Variants in DYNC1H1 observed in about 807,000 individuals in gnomAD.
DYNC1H1 encodes the protein cytoplasmic dynein 1 heavy chain 1.
A neutral mutation model predicts 527.1 loss-of-function variants in DYNC1H1; 51 were observed. The ratio of observed to expected loss-of-function variants is 0.10; its 90% CI spans 0.08 to 0.12. DYNC1H1 has a LOEUF of 0.12. DYNC1H1 is among the 10% of genes least tolerant of loss of function. DYNC1H1 has a pLI of 1.00. For missense variants in DYNC1H1, 2,771 were observed against 5,971.8 expected, an observed-to-expected ratio of 0.46 and a Z score of 17.66; for synonymous variants, 2,189 against 2,278.8, an observed-to-expected ratio of 0.96 and a Z score of 1.12.
At position 101,983,321 on chromosome 14, in the gene DYNC1H1, CAA is replaced by C; in HGVS notation, c.1233+32_1233+33del. The C allele has an allele frequency of 1.2e-6, 2 of 1,614,130 alleles. No homozygotes were observed. Among genetic ancestry groups the C allele is most frequent in the Non-Finnish European group, 1.7e-6 (2 of 1,179,998 alleles). On this transcript the variant is annotated intron_variant, in intron 6 of 77. Coordinates refer to ENST00000360184, the MANE Select transcript of DYNC1H1 (RefSeq NM_001376.5). The surrounding 1 kb of genome is among the most constrained non-coding windows in gnomAD (Gnocchi z 5.3). ...TTTGAATATATAAGACAACCAACCTCAAGACATTGAGATGAAAATATGTCTTA... is the reference window on the plus strand; with the variant it reads ...TTTGAATATATAAGACAACCAACCTCGACATTGAGATGAAAATATGTCTTA...
At position 102,047,622 on chromosome 14, in the gene DYNC1H1, T is replaced by TAC. The variant is rs779524070; in HGVS notation, c.13007-195_13007-194insAC. ...ATACACATATATGTATATATACACG[T>TAC]GTGTGTGTGTGTGTGTGTGTATATA... On this transcript the variant is annotated intron_variant, in intron 72 of 77. Coordinates refer to ENST00000360184, the MANE Select transcript of DYNC1H1 (RefSeq NM_001376.5). The TAC allele has an allele frequency of 2.0e-3, 524 of 266,242 alleles. 12 individuals carry two copies. Among genetic ancestry groups the TAC allele is most frequent in the Admixed American group, 0.014 (272 of 19,468 alleles). The allele number at this position is 266,242 out of a possible 1,614,324, so 16.5% of individuals were successfully genotyped here. A position where few individuals can be genotyped will look rare whatever the true frequency, so the allele number is the denominator to read the frequency against.
In DYNC1H1 at chr14:102,030,263, C is replaced by T. The variant is rs200512100; in HGVS notation, c.9864C>T (p.Ala3288=). The T allele has an allele frequency of 4.3e-6, 7 of 1,614,108 alleles. No homozygotes were observed. The highest frequency in any genetic ancestry group is 4.5e-5 in the East Asian group (2 of 44,886). The part of the protein sequence containing the change: ...VKEDLDKVEP[A]VIEAQNAVKS... ...AAGATCTTGATAAGGTGGAACCTGC[C>T]GTCATTGAGGCCCAGAATGGTATGT... is the stretch of plus-strand genomic sequence containing the variant. The change falls in exon 51 of 78, where the codon GCC becomes GCT. Residue 3288 remains alanine (A), a synonymous_variant. Coordinates refer to ENST00000360184, the MANE Select transcript of DYNC1H1 (RefSeq NM_001376.5).
chr14:101,980,338 C>T (rs755612324), intron 4 of DYNC1H1, 26 bp from the exon 5 acceptor site: 1 of 1,612,548 alleles, frequency 6.2e-7, no homozygotes, highest in Non-Finnish European at 8.5e-7. Flanking sequence ...TAGTGAATAC[C>T]CTTGGGTGTT....
chr14:102,045,976 C>T (rs920583484), intron 72 of DYNC1H1, among the ~76,000 whole-genome samples: 40 of 152,134 alleles, frequency 2.6e-4, no homozygotes, highest in Non-Finnish European at 4.9e-4. Flanking sequence ...ACCATCCTGG[C>T]TAACACGGTG....
chr14:102,030,076 G>GTA (rs1491024535), intron 50 of DYNC1H1, 86 bp from the exon 51 acceptor site: 1 of 1,558,022 alleles, frequency 6.4e-7, no homozygotes, highest in African/African-American at 1.4e-5. Context: ...GTGTGTGTGT[G>GTA]TTGGCAGAGT....
chr14:102,027,806 C>T lies in DYNC1H1; in HGVS notation c.9236C>T (p.Ala3079Val). 6.2e-7 allele frequency: 1 copy of T among 1,614,220 alleles called. No homozygotes were observed. The highest frequency in any genetic ancestry group is 8.5e-7 in the Non-Finnish European group (1 of 1,180,042). ...TCCTCGGAGGGACTCAAGGACCGGG[C>T]AGCTACATCACCAGCACTTTTCAAC... Reference protein sequence around the residue: ...NPSSEGLKDRAATSPALFNRC... With the variant: ...NPSSEGLKDRVATSPALFNRC... Residue 3079 changes from alanine (A) to valine (V), a missense_variant, in exon 47 of 78, where the codon GCA becomes GTA. By Grantham distance (64) the Ala-to-Val change is moderately conservative. Transcript: ENST00000360184. The surrounding 1 kb of genome is among the most constrained non-coding windows in gnomAD (Gnocchi z 7.7).
chr14:101,974,107 T>A (rs1294720733), intron 1 of DYNC1H1, among the ~76,000 whole-genome samples: 2 of 152,194 alleles, frequency 1.3e-5, no homozygotes, highest in African/African-American at 4.8e-5. Context: ...TTTATTTATT[T>A]ATTTTTTTTG....
At chr14:101,996,978 A>G (rs1164057885) in intron 15 of DYNC1H1, 57 bp from the exon 16 acceptor site, 3 of 1,568,094 alleles carry the variant, frequency 1.9e-6, no homozygotes, top group Admixed American at 1.9e-5. Flanking sequence ...GCTCTAATTA[A>G]TAATTTCTAT....
In DYNC1H1 at chr14:102,027,123, G is replaced by GTC; in HGVS notation, c.8772-51_8772-50insTC. The GTC allele has an allele frequency of 6.4e-7, 1 of 1,568,438 alleles. No individual in the cohort carries two copies. The highest frequency in any genetic ancestry group is 8.8e-7 in the Non-Finnish European group (1 of 1,138,628). On this transcript the variant is annotated intron_variant, in intron 44 of 77. Coordinates refer to ENST00000360184, the MANE Select transcript of DYNC1H1 (RefSeq NM_001376.5). This position sits in a 1 kb window ranked among gnomAD's most constrained non-coding sequence, Gnocchi z 7.7. ...TAGACACTAGATATGAGTCAAAAGG[G>GTC]GAATGAGGCATTATAAGCCTTAACA... is the stretch of plus-strand genomic sequence containing the variant.
In DYNC1H1 at chr14:101,965,290, C is replaced by T. The variant is rs1027627794; in HGVS notation, c.256+343C>T. On this transcript the variant is annotated intron_variant, in intron 1 of 77. Coordinates refer to ENST00000360184, the MANE Select transcript of DYNC1H1 (RefSeq NM_001376.5). The surrounding 1 kb of genome is among the most constrained non-coding windows in gnomAD (Gnocchi z 4.1). ...GGGGTCGCTTTGTCTGCTCGGGCCT[C>T]TCAAGATGGCCGAGTTGGGTGGAGA... 1.3e-5 allele frequency among the ~76,000 whole-genome samples: 2 copies of T among 152,236 alleles called. No homozygotes were observed. The highest frequency in any genetic ancestry group is 1.3e-4 in the Admixed American group (2 of 15,290).
chr14:101,999,089 A>C (rs561323962), intron 16 of DYNC1H1, among the ~76,000 whole-genome samples: 2 of 151,998 alleles, frequency 1.3e-5, no homozygotes, highest in African/African-American at 4.8e-5. Flanking sequence ...TCAATGTGTT[A>C]GCCAGGATGG....
rs80096622 is a variant in DYNC1H1 at position 102,032,453 on chromosome 14, T to G, written c.10065T>G (p.Ser3355=). Residue 3355 remains serine, a synonymous_variant, in exon 52 of 78, where the codon TCT becomes TCG. Transcript: ENST00000360184. ...ENFIPTIVNF[S]AEEISDAIRE... ...TCATCCCCACCATCGTCAACTTCTC[T>G]GCAGAGGAGATCAGGTGAGAAAGTG... 3.1e-6 allele frequency: 5 copies of G among 1,614,134 alleles called. No individual in the cohort carries two copies. The highest frequency in any genetic ancestry group is 4.2e-6 in the Non-Finnish European group (5 of 1,180,038).
In DYNC1H1 at chr14:102,029,508, A is replaced by T. The variant is rs2048486539; in HGVS notation, c.9469-31A>T. The T allele has an allele frequency of 6.2e-7, 1 of 1,613,870 alleles. No homozygotes were observed. The highest frequency in any genetic ancestry group is 1.3e-5 in the African/African-American group (1 of 74,930). ...GAGGTTAAGTCACAGAGTTTCCTGA[A>T]GAGTGAGAAGATGTAACTATTTTCT... is the stretch of plus-strand genomic sequence containing the variant. On this transcript the variant is annotated intron_variant, in intron 48 of 77. Transcript: ENST00000360184. This position sits in a 1 kb window ranked among gnomAD's most constrained non-coding sequence, Gnocchi z 5.3.
At chr14:102,003,820 G>A (rs917686518) in intron 23 of DYNC1H1, among the ~76,000 whole-genome samples, 5 of 152,132 alleles carry the variant, frequency 3.3e-5, no homozygotes, top group Admixed American at 2.0e-4. Flanking sequence ...CAGGTACTCA[G>A]GAGGCTGTGG....
chr14:102,052,129 C>T lies in DYNC1H1; in HGVS notation c.*1566C>T, dbSNP rs1009037356. 6.6e-6 allele frequency: 1 copy of T among 151,336 alleles called. No individual in the cohort carries two copies. The highest frequency in any genetic ancestry group is 2.4e-5 in the African/African-American group (1 of 41,110). The allele number at this position is 151,336 out of a possible 1,614,324, so 9.4% of individuals were successfully genotyped here. A position where few individuals can be genotyped will look rare whatever the true frequency, so the allele number is the denominator to read the frequency against. On this transcript the variant is annotated 3_prime_UTR_variant, in exon 78 of 78. Coordinates refer to ENST00000360184, the MANE Select transcript of DYNC1H1 (RefSeq NM_001376.5). ...AGGTGTGAGTCACCGAGTTGAGCCCCTAAACACATGTTTTTCTTTTTAGAG... is the reference window on the plus strand; with the variant it reads ...AGGTGTGAGTCACCGAGTTGAGCCCTTAAACACATGTTTTTCTTTTTAGAG...
chr14:102,031,662 A>T (rs1008157430), intron 51 of DYNC1H1, among the ~76,000 whole-genome samples: 36 of 152,208 alleles, frequency 2.4e-4, no homozygotes, highest in African/African-American at 7.7e-4. Flanking sequence ...ATATTTTTTT[A>T]AAATATTTTT....
intron 29 of DYNC1H1, 178 bp from the exon 30 acceptor site, chr14:102,009,665 C>A: frequency 2.2e-6 from 2 of 915,196 alleles, no homozygotes; most frequent in Non-Finnish European, 3.3e-6. Context: ...TCCACCTGGG[C>A]TGGGAGAATG....
chr14:101,977,370 G>C (rs2047813687), intron 2 of DYNC1H1, among the ~76,000 whole-genome samples: 1 of 152,170 alleles, frequency 6.6e-6, no homozygotes, highest in South Asian at 2.1e-4. Context: ...AGAACTCCCA[G>C]ATATCAGTTG....
chr14:102,048,319 G>A, intron 73 of DYNC1H1, 197 bp from the exon 74 acceptor site: 1 of 786,504 alleles, frequency 1.3e-6, no homozygotes, highest in African/African-American at 1.7e-5. Context: ...ACTCGGGCAG[G>A]GGCCTCAGCG....
Sources: allele counts gnomAD v4.1 joint callset (sites outside exome capture counted in the v4.1 genomes callset), GRCh38; gene constraint gnomAD v4.1.1; non-coding constraint Gnocchi (gnomAD v3.1); transcripts MANE v1.5; gene names NCBI Gene and HGNC (gene_info 2026-07-23, HGNC 2026-07-21).